NOS1AP: variants seen among roughly 807,000 people sequenced by gnomAD.
NOS1AP encodes nitric oxide synthase 1 adaptor protein.
NOS1AP carries 21 observed loss-of-function variants against 56.2 expected under a neutral mutation model. The observed-to-expected ratio is 0.37, with a 90% confidence interval of 0.26 to 0.54. NOS1AP has a LOEUF of 0.54. Among genes scored for constraint, NOS1AP ranks in the 20% least tolerant of loss-of-function variants. The pLI is 0.84. For synonymous variants in NOS1AP, 270 were observed against 274.6 expected, an observed-to-expected ratio of 0.98 and a Z score of 0.17; for missense variants, 522 against 657.8, an observed-to-expected ratio of 0.79 and a Z score of 2.26.
intron 1 of NOS1AP, among the ~76,000 whole-genome samples, chr1:162,137,330 T>C (rs961941053): frequency 1.3e-5 from 2 of 152,226 alleles, no homozygotes; most frequent in African/African-American, 4.8e-5. Flanking sequence ...TGTCTGTCCC[T>C]CTGCACTTCT....
chr1:162,234,004 A>G (rs373225368), intron 2 of NOS1AP, among the ~76,000 whole-genome samples: 10 of 152,362 alleles, frequency 6.6e-5, no homozygotes, highest in African/African-American at 2.2e-4. Flanking sequence ...GCTATTGGAC[A>G]TACATGAAGA....
intron 1 of NOS1AP, among the ~76,000 whole-genome samples, chr1:162,123,796 C>T (rs1648355815): frequency 6.6e-6 from 1 of 152,168 alleles, no homozygotes; most frequent in African/African-American, 2.4e-5. Context: ...TATACACACA[C>T]ACATTGTTTT....
intron 2 of NOS1AP, among the ~76,000 whole-genome samples, chr1:162,218,218 A>C (rs1652645791): frequency 6.6e-6 from 1 of 152,196 alleles, no homozygotes. Flanking sequence ...TTTGAAAAAC[A>C]CTGCTCTAGG....
chr1:162,098,233 A>T (rs1436130326), intron 1 of NOS1AP, among the ~76,000 whole-genome samples: 4 of 147,826 alleles, frequency 2.7e-5, no homozygotes, highest in African/African-American at 1.0e-4. Context: ...CAGCCTTCTG[A>T]GTAGCTGGGA....
At chr1:162,173,252 T>A (rs1650890080) in intron 2 of NOS1AP, among the ~76,000 whole-genome samples, 2 of 152,160 alleles carry the variant, frequency 1.3e-5, no homozygotes, top group Admixed American at 6.5e-5. Context: ...TGCCTCAGCC[T>A]CCCAAAGTGC....
intron 3 of NOS1AP, among the ~76,000 whole-genome samples, chr1:162,290,149 T>C: frequency 6.6e-6 from 1 of 152,160 alleles, no homozygotes; most frequent in East Asian, 1.9e-4. Context: ...ATCTCCAGTG[T>C]GGCTTCATCG....
At chr1:162,358,916 G>T (rs548901887) in intron 8 of NOS1AP, among the ~76,000 whole-genome samples, 1 of 152,256 alleles carries the variant, frequency 6.6e-6, no homozygotes, top group East Asian at 1.9e-4. Context: ...TAGTGTTGTG[G>T]CGGTGGAAGG....
intron 2 of NOS1AP, among the ~76,000 whole-genome samples, chr1:162,200,571 T>A (rs1031888906): frequency 6.6e-6 from 1 of 152,198 alleles, no homozygotes; most frequent in African/African-American, 2.4e-5. Context: ...TCAGGACTTC[T>A]GTTGCAGTCT....
chr1:162,090,422 G>A (rs945266865), intron 1 of NOS1AP, among the ~76,000 whole-genome samples: 7 of 150,316 alleles, frequency 4.7e-5, no homozygotes, highest in African/African-American at 9.8e-5. Context: ...ATATTATTCT[G>A]AGTCAGTATT....
At position 162,300,395 on chromosome 1, in the gene NOS1AP, C is replaced by T. The variant is rs916923706; in HGVS notation, c.271-238C>T. On this transcript the variant is annotated intron_variant, in intron 3 of 9. Coordinates refer to ENST00000361897, the MANE Select transcript of NOS1AP (RefSeq NM_014697.3). Reference sequence around the variant, plus strand: ...TTCACCCCGAGTTCCCTAAGGACTTCTTGGCTTTTGCCTACCCTCTGAGCC... The same window carrying T: ...TTCACCCCGAGTTCCCTAAGGACTTTTTGGCTTTTGCCTACCCTCTGAGCC... Among the ~76,000 whole-genome samples, 11 of 152,294 alleles carry T rather than the reference C, an allele frequency of 7.2e-5. No homozygotes were observed. In the South Asian group the frequency reaches 1.0e-3, roughly 14 times the overall value.
intron 7 of NOS1AP, 61 bp downstream of exon 7, chr1:162,355,414 C>T: frequency 6.2e-7 from 1 of 1,600,894 alleles, no homozygotes. Context: ...TCATCAGTCA[C>T]TTCCTAGCCC....
At chr1:162,211,277 C>A (rs1234717579) in intron 2 of NOS1AP, among the ~76,000 whole-genome samples, 1 of 152,216 alleles carries the variant, frequency 6.6e-6, no homozygotes, top group Non-Finnish European at 1.5e-5. Flanking sequence ...AAGGTGCCAG[C>A]AGGTCCAGTG....
intron 1 of NOS1AP, among the ~76,000 whole-genome samples, chr1:162,103,812 CCTGTT>C (rs1647397414): frequency 6.6e-6 from 1 of 151,892 alleles, no homozygotes; most frequent in South Asian, 2.1e-4. Context: ...TTATTTTGAG[CCTGTT>C]TATGTCTTTG....
intron 4 of NOS1AP, among the ~76,000 whole-genome samples, chr1:162,306,141 T>C (rs1305806932): frequency 1.3e-5 from 2 of 152,076 alleles, no homozygotes; most frequent in Non-Finnish European, 2.9e-5. Context: ...CTGGTGTGGG[T>C]TATGAGTCAG....
chr1:162,183,240 A>G (rs1403925296), intron 2 of NOS1AP, among the ~76,000 whole-genome samples: 3 of 152,216 alleles, frequency 2.0e-5, no homozygotes, highest in Non-Finnish European at 4.4e-5. Flanking sequence ...TGAAAGAAAT[A>G]TATTTCTGAG....
chr1:162,336,776 T>C (rs939917212), intron 5 of NOS1AP, among the ~76,000 whole-genome samples: 5 of 152,234 alleles, frequency 3.3e-5, no homozygotes. Flanking sequence ...AGCCATCAAA[T>C]AAGATGAAAG....
intron 3 of NOS1AP, among the ~76,000 whole-genome samples, chr1:162,293,296 A>C (rs1231643714): frequency 1.3e-5 from 2 of 152,144 alleles, no homozygotes; most frequent in African/African-American, 2.4e-5. Flanking sequence ...TGAAGCTTGC[A>C]GGCTTTGTGA....
At chr1:162,257,136 A>G (rs145729327) in intron 2 of NOS1AP, among the ~76,000 whole-genome samples, 2 of 152,334 alleles carry the variant, frequency 1.3e-5, no homozygotes, top group Admixed American at 6.5e-5. Flanking sequence ...AGCTCATTAC[A>G]TAGCCAGCTG....
intron 5 of NOS1AP, among the ~76,000 whole-genome samples, chr1:162,342,280 G>A (rs756807016): frequency 6.6e-6 from 1 of 152,324 alleles, no homozygotes; most frequent in African/African-American, 2.4e-5. Flanking sequence ...GGTTAGAGCT[G>A]TAAAACAATT....
Sources: allele counts gnomAD v4.1 joint callset (sites outside exome capture counted in the v4.1 genomes callset), GRCh38; gene constraint gnomAD v4.1.1; transcripts MANE v1.5; gene names NCBI Gene and HGNC (gene_info 2026-07-23, HGNC 2026-07-21).